The following USH2A variants were observed in gnomAD, a reference collection of about 807,000 sequenced individuals.
USH2A encodes usherin, also known as Usher syndrome 2A (autosomal recessive, mild).
In USH2A, 443 loss-of-function variants were observed where a neutral mutation model predicts 538.9. The ratio of observed to expected loss-of-function variants is 0.82; its 90% CI spans 0.76 to 0.89. The LOEUF is 0.89. Ranked by LOEUF, USH2A falls within the 40% of genes least tolerant of loss-of-function variation. USH2A has a pLI of 0.00. For synonymous variants in USH2A, 2,413 were observed against 2,273.5 expected, an observed-to-expected ratio of 1.06 and a Z score of -1.75; for missense variants, 6,633 against 6,324.8, an observed-to-expected ratio of 1.05 and a Z score of -1.65.
chr1:216,041,637 TA>T (rs2102520683), intron 32 of USH2A, among the ~76,000 whole-genome samples: 2 of 152,112 alleles, frequency 1.3e-5, no homozygotes, highest in East Asian at 3.9e-4. Flanking sequence ...TTGTAGAGGG[TA>T]AAACATTTTA....
intron 21 of USH2A, among the ~76,000 whole-genome samples, chr1:216,111,907 T>C (rs535023228): frequency 1.3e-5 from 2 of 152,006 alleles, no homozygotes; most frequent in East Asian, 1.9e-4. Context: ...TGGATTTCCA[T>C]GCCTAGTTAG....
chr1:216,139,966 C>T (rs1015528319), intron 21 of USH2A, among the ~76,000 whole-genome samples: 1 of 152,120 alleles, frequency 6.6e-6, no homozygotes, highest in African/African-American at 2.4e-5. Flanking sequence ...ACTACACACA[C>T]ACAAAATTAA....
At chr1:215,691,374 G>A (rs1024278309) in intron 61 of USH2A, among the ~76,000 whole-genome samples, 2 of 152,008 alleles carry the variant, frequency 1.3e-5, no homozygotes, top group Admixed American at 1.3e-4. Flanking sequence ...TTTCCCCTGG[G>A]AAAACTGCAC....
At chr1:216,039,563 G>C (rs1489745379) in intron 32 of USH2A, among the ~76,000 whole-genome samples, 5 of 151,938 alleles carry the variant, frequency 3.3e-5, no homozygotes, top group South Asian at 4.1e-4. Context: ...TATGTAAGAG[G>C]AGTTATTTCA....
At chr1:216,163,074 T>A (rs895398419) in intron 21 of USH2A, among the ~76,000 whole-genome samples, 6 of 151,962 alleles carry the variant, frequency 3.9e-5, no homozygotes, top group Non-Finnish European at 8.8e-5. Context: ...TCAGTTCATT[T>A]GCTTTTCTTC....
At chr1:215,670,558 C>G (rs1057434616) in intron 64 of USH2A, among the ~76,000 whole-genome samples, 1 of 152,090 alleles carries the variant, frequency 6.6e-6, no homozygotes, top group African/African-American at 2.4e-5. Context: ...TTTCAACATT[C>G]TGTATCTTTC....
intron 44 of USH2A, among the ~76,000 whole-genome samples, chr1:215,850,303 A>C (rs1663982161): frequency 6.6e-6 from 1 of 152,172 alleles, no homozygotes; most frequent in Admixed American, 6.6e-5. Flanking sequence ...ATACCATTTA[A>C]ATTTTAAAAT....
chr1:216,102,105 T>G (rs1388883209), intron 21 of USH2A, among the ~76,000 whole-genome samples: 1 of 151,412 alleles, frequency 6.6e-6, no homozygotes, highest in Non-Finnish European at 1.5e-5. Flanking sequence ...AAGGTATGAA[T>G]AAGAGAATGA....
At chr1:215,775,385 A>G (rs1661432660) in intron 55 of USH2A, among the ~76,000 whole-genome samples, 1 of 152,170 alleles carries the variant, frequency 6.6e-6, no homozygotes, top group Admixed American at 6.5e-5. Flanking sequence ...TGACAGTGGC[A>G]TTTTTATCTC....
intron 21 of USH2A, among the ~76,000 whole-genome samples, chr1:216,106,459 G>A (rs1464087585): frequency 6.6e-6 from 1 of 151,008 alleles, no homozygotes; most frequent in African/African-American, 2.4e-5. Flanking sequence ...GAGATAATAT[G>A]ATATTTTGCT....
At chr1:216,068,591 T>C (rs1039847411) in intron 30 of USH2A, among the ~76,000 whole-genome samples, 1 of 152,096 alleles carries the variant, frequency 6.6e-6, no homozygotes, top group African/African-American at 2.4e-5. Context: ...ACAGAGGCGT[T>C]AAAAATATAA....
At chr1:216,250,275 A>G in intron 12 of USH2A, among the ~76,000 whole-genome samples, 1 of 152,314 alleles carries the variant, frequency 6.6e-6, no homozygotes, top group South Asian at 2.1e-4. Flanking sequence ...TCTTGTATAA[A>G]AAAATGATAA....
intron 30 of USH2A, among the ~76,000 whole-genome samples, chr1:216,049,779 G>A (rs1379185409): frequency 2.0e-5 from 3 of 152,096 alleles, no homozygotes; most frequent in Non-Finnish European, 4.4e-5. Context: ...TCTTTGCTTT[G>A]ACACCTCCCA....
At chr1:216,257,166 A>G (rs1228764341) in intron 11 of USH2A, among the ~76,000 whole-genome samples, 1 of 151,870 alleles carries the variant, frequency 6.6e-6, no homozygotes, top group Admixed American at 6.6e-5. Context: ...ATATGATACC[A>G]TTTTATTTCC....
chr1:215,878,750 T>A lies in USH2A; in HGVS notation c.8558+14A>T, dbSNP rs1481201926. On this transcript the variant is annotated intron_variant, in intron 42 of 71. Transcript: ENST00000307340. The stretch of plus-strand genomic sequence containing the variant: ...GACTACAGCAACATAAAAATCATAG[T>A]CACCTTCTCTTACCTCAAATTAGGT... 6 of 1,613,074 alleles carry A rather than the reference T, an allele frequency of 3.7e-6. No individual in the cohort carries two copies. The highest frequency in any genetic ancestry group is 2.2e-5 in the East Asian group (1 of 44,824).
At position 215,836,542 on chromosome 1, in the gene USH2A, A is replaced by ATATATT. The variant is rs1379049807; in HGVS notation, c.9371+1448_9371+1449insAATATA. Among the ~76,000 whole-genome samples the ATATATT allele has an allele frequency of 5.1e-4, 9 of 17,774 alleles. 1 individual carries two copies. Among genetic ancestry groups the ATATATT allele is most frequent in the South Asian group, 6.3e-3 (2 of 316 alleles). 11.7% of individuals were successfully genotyped at this position (17,774 alleles called of 152,430 possible). A position where few individuals can be genotyped will look rare whatever the true frequency, so the allele number is the denominator to read the frequency against. On this transcript the variant is annotated intron_variant, in intron 47 of 71. Transcript: ENST00000307340. ...TAATATATATTATATATATATATAT[A>ATATATT]ATATATATATATATATATATATATT...
intron 21 of USH2A, among the ~76,000 whole-genome samples, chr1:216,113,713 A>T (rs762001461): frequency 6.6e-6 from 1 of 151,984 alleles, no homozygotes; most frequent in Non-Finnish European, 1.5e-5. Flanking sequence ...TGACTTTTAA[A>T]TGTTATTTTT....
intron 11 of USH2A, among the ~76,000 whole-genome samples, chr1:216,258,556 C>T (rs1401980018): frequency 6.6e-6 from 1 of 152,026 alleles, no homozygotes; most frequent in Non-Finnish European, 1.5e-5. Flanking sequence ...ATTCCTGAAA[C>T]ACTTGGCTAT....
chr1:215,775,704 A>C (rs1356633411), intron 55 of USH2A, among the ~76,000 whole-genome samples: 1 of 152,232 alleles, frequency 6.6e-6, no homozygotes, highest in Non-Finnish European at 1.5e-5. Context: ...TGGTGGTTAA[A>C]GTATGTTTTC....
Sources: gnomAD v4.1 joint callset for allele counts (sites outside exome capture counted in the v4.1 genomes callset) on GRCh38, gnomAD v4.1.1 for gene constraint, MANE v1.5 for transcripts, NCBI Gene and HGNC (gene_info 2026-07-23, HGNC 2026-07-21) for gene names.